ANKS1B: variants seen among roughly 807,000 people sequenced by gnomAD.
The protein encoded by ANKS1B is ankyrin repeat and sterile alpha motif domain containing 1B, also known as ankyrin repeat and sterile alpha motif domain-containing protein 1B.
A neutral mutation model predicts 148.3 loss-of-function variants in ANKS1B; 36 were observed. That is an observed-to-expected ratio of 0.24 (90% CI 0.19 to 0.32). The LOEUF is 0.32. ANKS1B is among the 10% of genes least tolerant of loss of function. ANKS1B has a pLI of 1.00. For missense variants in ANKS1B, 1,157 were observed against 1,542.6 expected, an observed-to-expected ratio of 0.75 and a Z score of 4.19; for synonymous variants, 542 against 560.8, an observed-to-expected ratio of 0.97 and a Z score of 0.47.
intron 2 of ANKS1B, among the ~76,000 whole-genome samples, chr12:99,819,317 C>T (rs1433790806): frequency 6.6e-6 from 1 of 151,738 alleles, no homozygotes; most frequent in Non-Finnish European, 1.5e-5. Context: ...TAGTCTGTAT[C>T]CTTATCCAGG....
intron 11 of ANKS1B, among the ~76,000 whole-genome samples, chr12:99,411,065 T>A (rs1221276666): frequency 1.3e-5 from 2 of 152,130 alleles, no homozygotes; most frequent in African/African-American, 4.8e-5. Flanking sequence ...GAGGAGCAGG[T>A]GGAAAAGAAT....
chr12:98,892,248 T>C (rs1362252549), intron 17 of ANKS1B, among the ~76,000 whole-genome samples: 1 of 152,240 alleles, frequency 6.6e-6, no homozygotes, highest in East Asian at 1.9e-4. Flanking sequence ...TTTGAGAACA[T>C]GTCTGCCTTT....
At chr12:99,647,620 G>A (rs1274689685) in intron 9 of ANKS1B, 1 of 156,622 alleles carries the variant, frequency 6.4e-6, no homozygotes, top group Non-Finnish European at 1.4e-5. Context: ...CGGTGGGGCT[G>A]AGGGTGGGGT....
At chr12:99,162,174 A>C (rs2076718116) in intron 14 of ANKS1B, among the ~76,000 whole-genome samples, 1 of 152,172 alleles carries the variant, frequency 6.6e-6, no homozygotes, top group Non-Finnish European at 1.5e-5. Context: ...GGGCTGGAGA[A>C]GTGAACTGTG....
Position 98,782,112 on chromosome 12 carries a change from CAAG to C in ANKS1B, c.3354+11_3354+13del, listed in dbSNP as rs1276263211. On this transcript the variant is annotated intron_variant, in intron 23 of 26. Coordinates refer to ENST00000683438, the MANE Select transcript of ANKS1B (RefSeq NM_001352186.2). ...TACTAGTAATAATCACACTAAACAT[CAAG>C]AAGAACCTACCTGACAGTTAGCCTG... is the stretch of plus-strand genomic sequence containing the variant. 4 of 1,596,108 alleles carry C rather than the reference CAAG, an allele frequency of 2.5e-6. No homozygotes were observed. Among genetic ancestry groups the C allele is most frequent in the Non-Finnish European group, 3.4e-6 (4 of 1,170,260 alleles).
chr12:99,825,260 T>G (rs371634046), intron 2 of ANKS1B, 49 bp downstream of exon 2: 4 of 1,473,346 alleles, frequency 2.7e-6, no homozygotes, highest in Non-Finnish European at 3.8e-6. Context: ...ATTAACTTCA[T>G]CACATGTAAC....
At chr12:98,951,872 C>T (rs1057488391) in intron 17 of ANKS1B, among the ~76,000 whole-genome samples, 3 of 152,142 alleles carry the variant, frequency 2.0e-5, no homozygotes, top group African/African-American at 7.2e-5. Context: ...TTGTGTTTCT[C>T]TTTTTTCTTA....
At chr12:99,576,551 A>G (rs1402112080) in intron 9 of ANKS1B, among the ~76,000 whole-genome samples, 1 of 152,182 alleles carries the variant, frequency 6.6e-6, no homozygotes, top group Non-Finnish European at 1.5e-5. Context: ...ACCACAGCAC[A>G]GTAAAAATAG....
intron 19 of ANKS1B, among the ~76,000 whole-genome samples, chr12:98,816,916 C>T (rs1168884375): frequency 1.3e-5 from 2 of 151,386 alleles, no homozygotes; most frequent in Admixed American, 6.6e-5. Flanking sequence ...TATAGCTAAT[C>T]TAATAAAGAA....
At chr12:99,393,337 C>A (rs1567017054) in intron 12 of ANKS1B, among the ~76,000 whole-genome samples, 1 of 152,140 alleles carries the variant, frequency 6.6e-6, no homozygotes. Flanking sequence ...GCAGAGAGAG[C>A]CCCTTAGGGA....
At position 98,904,348 on chromosome 12, in the gene ANKS1B, T is replaced by C. The variant is rs183229903; in HGVS notation, c.2779-72212A>G. 1.8e-3 allele frequency among the ~76,000 whole-genome samples: 280 copies of C among 152,194 alleles called. 1 individual carries two copies. Among genetic ancestry groups the C allele is most frequent in the African/African-American group, 6.3e-3 (263 of 41,542 alleles). ...GGAGAAACAACCTGGATGGGAAAGA[T>C]GAAGGTTCTGCTGTTTATCCCAAGA... On this transcript the variant is annotated intron_variant, in intron 17 of 26. Transcript: ENST00000683438.
In ANKS1B at chr12:99,228,608, T is replaced by C. The variant is rs551113347; in HGVS notation, c.2419+15734A>G. On this transcript the variant is annotated intron_variant, in intron 14 of 26. Transcript: ENST00000683438. The stretch of plus-strand genomic sequence containing the variant: ...GAAAGTGAAGATTGCAAAACTTTTA[T>C]CCATAAAATTATTAATACATAAAAA... Among the ~76,000 whole-genome samples, 6 of 152,118 alleles carry C rather than the reference T, an allele frequency of 3.9e-5. No homozygotes were observed. In the East Asian group the frequency reaches 1.2e-3, roughly 29 times the overall value.
At chr12:99,506,384 C>T (rs2096712028) in intron 9 of ANKS1B, among the ~76,000 whole-genome samples, 1 of 151,962 alleles carries the variant, frequency 6.6e-6, no homozygotes, top group African/African-American at 2.4e-5. Flanking sequence ...CAGACCCTCA[C>T]ACATCAGAGA....
chr12:99,858,675 A>G (rs1224592317), intron 1 of ANKS1B, among the ~76,000 whole-genome samples: 1 of 152,218 alleles, frequency 6.6e-6, no homozygotes, highest in Admixed American at 6.5e-5. Flanking sequence ...AAATATATAT[A>G]CCACGGAATA....
At chr12:99,050,754 C>T (rs1307916506) in intron 17 of ANKS1B, among the ~76,000 whole-genome samples, 4 of 143,958 alleles carry the variant, frequency 2.8e-5, no homozygotes, top group African/African-American at 5.2e-5. Flanking sequence ...TGCAGTGGCG[C>T]GATCTCTGCT....
intron 16 of ANKS1B, among the ~76,000 whole-genome samples, chr12:99,071,061 C>T (rs1387404172): frequency 6.6e-6 from 1 of 152,184 alleles, no homozygotes; most frequent in East Asian, 1.9e-4. Context: ...CAGAAGAGAC[C>T]TTCCCTTTTA....
intron 2 of ANKS1B, among the ~76,000 whole-genome samples, chr12:99,814,348 A>T (rs1291092794): frequency 1.3e-5 from 2 of 151,732 alleles, no homozygotes; most frequent in Non-Finnish European, 3.0e-5. Flanking sequence ...AAAAGAATTC[A>T]CTCAATAAAT....
At chr12:99,399,494 A>C (rs2094345308) in intron 12 of ANKS1B, 137 bp downstream of exon 12, 1 of 833,430 alleles carries the variant, frequency 1.2e-6, no homozygotes, top group Admixed American at 2.9e-5. Flanking sequence ...CAAGAATCTT[A>C]AAGCCCTACA....
chr12:98,820,218 G>T (rs1189659575), intron 19 of ANKS1B, among the ~76,000 whole-genome samples: 2 of 152,222 alleles, frequency 1.3e-5, no homozygotes, highest in Admixed American at 1.3e-4. Flanking sequence ...TCACACGACA[G>T]CTGTGAAGCT....
Sources: allele counts gnomAD v4.1 joint callset (sites outside exome capture counted in the v4.1 genomes callset), GRCh38; gene constraint gnomAD v4.1.1; transcripts MANE v1.5; gene names NCBI Gene and HGNC (gene_info 2026-07-23, HGNC 2026-07-21).